SPAG16: variants seen among roughly 807,000 people sequenced by gnomAD.
SPAG16 encodes sperm-associated antigen 16 protein.
Under a neutral mutation model 80.4 loss-of-function variants are expected in SPAG16, and 86 were observed. That is an observed-to-expected ratio of 1.07 (90% CI 0.90 to 1.28). The LOEUF is 1.28. SPAG16 is among the 50% of genes most tolerant of loss of function. The probability of loss-of-function intolerance (pLI) is 0.00; values close to 1 mark genes in which losing one functional copy is unlikely to be tolerated. For missense variants in SPAG16, 870 were observed against 765.3 expected, an observed-to-expected ratio of 1.14 and a Z score of -1.61; for synonymous variants, 294 against 265.9, an observed-to-expected ratio of 1.11 and a Z score of -1.03.
chr2:214,220,489 G>C (rs1342633951), intron 15 of SPAG16, among the ~76,000 whole-genome samples: 20 of 152,182 alleles, frequency 1.3e-4, no homozygotes, highest in Non-Finnish European at 1.5e-5. Flanking sequence ...TAACCTTAAA[G>C]TTAAGTCACT....
chr2:214,300,991 C>G lies in SPAG16; in HGVS notation c.1721-109149C>G, dbSNP rs543802813. Among the ~76,000 whole-genome samples, 5 of 149,620 alleles carry G rather than the reference C, an allele frequency of 3.3e-5. No individual in the cohort carries two copies. The South Asian group carries it at 1.0e-3, about 31-fold the overall frequency. On this transcript the variant is annotated intron_variant, in intron 15 of 15. Coordinates refer to ENST00000331683, the MANE Select transcript of SPAG16 (RefSeq NM_024532.5). ...CAGGCCAGTGTGTCACTGATGAACA[C>G]AGATGCGAAAATTCTCATGTACCCT...
chr2:213,635,077 C>T (rs2062309610), intron 10 of SPAG16, among the ~76,000 whole-genome samples: 1 of 150,880 alleles, frequency 6.6e-6, no homozygotes, highest in Non-Finnish European at 1.5e-5. Context: ...GCTTTGTTGC[C>T]CAGGCTGGGG....
rs1406798759 is a variant in SPAG16, at chr2:213,847,912, G to C, written c.1071-14573G>C. On this transcript the variant is annotated intron_variant, in intron 10 of 15. Coordinates refer to ENST00000331683, the MANE Select transcript of SPAG16 (RefSeq NM_024532.5). ...ACATATAATACAAAAAGTAACTGGA[G>C]GCAGTGCCGTATGTTATAGAGGAAG... is the stretch of plus-strand genomic sequence containing the variant. Among the ~76,000 whole-genome samples the C allele has an allele frequency of 3.3e-5, 5 of 152,004 alleles. No homozygotes were observed. The East Asian group carries it at 7.7e-4, about 23-fold the overall frequency.
intron 10 of SPAG16, among the ~76,000 whole-genome samples, chr2:213,859,572 C>T (rs1052547149): frequency 1.3e-5 from 2 of 152,078 alleles, no homozygotes; most frequent in Non-Finnish European, 2.9e-5. Flanking sequence ...AGCTCTGTAA[C>T]AGGAATTATT....
intron 10 of SPAG16, among the ~76,000 whole-genome samples, chr2:213,509,340 A>G (rs59383398): frequency 0.013 from 1,914 of 152,294 alleles, 38 homozygotes; most frequent in African/African-American, 0.042. Context: ...CCTCATAAGC[A>G]TGTTTCATAA....
chr2:214,218,626 T>C (rs1394275536), intron 15 of SPAG16, among the ~76,000 whole-genome samples: 5 of 152,228 alleles, frequency 3.3e-5, no homozygotes, highest in Non-Finnish European at 7.3e-5. Context: ...CAGGTTTTAC[T>C]ATACTACATG....
At chr2:213,596,255 G>A (rs1041282632) in intron 10 of SPAG16, among the ~76,000 whole-genome samples, 1 of 152,104 alleles carries the variant, frequency 6.6e-6, no homozygotes, top group Non-Finnish European at 1.5e-5. Context: ...GCTTTTACAT[G>A]TTGATTTGAA....
intron 12 of SPAG16, among the ~76,000 whole-genome samples, chr2:213,937,655 C>G (rs1025338340): frequency 6.6e-6 from 1 of 151,760 alleles, no homozygotes; most frequent in South Asian, 2.1e-4. Context: ...TTTTATTTTC[C>G]TTTCCCCCCC....
rs57831612 is a variant in SPAG16 at position 214,154,511 on chromosome 2, A to C, written c.1720+5245A>C. Among the ~76,000 whole-genome samples, 774 of 81,444 alleles carry C rather than the reference A, an allele frequency of 9.5e-3. 7 individuals are homozygous for C. Among genetic ancestry groups the C allele is most frequent in the African/African-American group, 0.032 (717 of 22,714 alleles). 53.4% of individuals were successfully genotyped at this position (81,444 alleles called of 152,430 possible). ...AAAAAGTATCAGACCCCCCCCCCCC[A>C]TTTTTTCATAACCTAACAAGATAAC... On this transcript the variant is annotated intron_variant, in intron 15 of 15. Transcript: ENST00000331683.
chr2:214,269,632 G>A (rs535661385), intron 15 of SPAG16, among the ~76,000 whole-genome samples: 23 of 152,160 alleles, frequency 1.5e-4, no homozygotes, highest in African/African-American at 5.5e-4. Context: ...AATGCCATAA[G>A]AATTATATTG....
chr2:213,652,811 C>A (rs924010651), intron 10 of SPAG16, among the ~76,000 whole-genome samples: 1 of 152,046 alleles, frequency 6.6e-6, no homozygotes, highest in African/African-American at 2.4e-5. Flanking sequence ...CTATAGGTTG[C>A]CTTTTTATCC....
intron 15 of SPAG16, among the ~76,000 whole-genome samples, chr2:214,289,600 C>T (rs1693637124): frequency 6.6e-6 from 1 of 152,148 alleles, no homozygotes; most frequent in Non-Finnish European, 1.5e-5. Flanking sequence ...GCTCTTATAA[C>T]AAAACCATGC....
At chr2:213,884,325 A>C (rs2076470728) in intron 11 of SPAG16, among the ~76,000 whole-genome samples, 1 of 152,280 alleles carries the variant, frequency 6.6e-6, no homozygotes, top group African/African-American at 2.4e-5. Context: ...AGGATGCTAA[A>C]AATTGTCCCA....
intron 9 of SPAG16, among the ~76,000 whole-genome samples, chr2:213,386,149 A>G (rs1321123728): frequency 2.6e-5 from 4 of 152,156 alleles, no homozygotes; most frequent in Non-Finnish European, 5.9e-5. Context: ...CTTGTCTTAA[A>G]TCGTATTCTT....
chr2:213,375,073 C>A lies in SPAG16; in HGVS notation c.896C>A (p.Ala299Asp). ...EGPTQKGLRE[A>D]REQNKCKTKM... Reference sequence around the variant, plus strand: ...CCTACTCAGAAAGGTCTTCGTGAAGCCAGGGAACAAAACAAATGTAAAACA... The same window carrying A: ...CCTACTCAGAAAGGTCTTCGTGAAGACAGGGAACAAAACAAATGTAAAACA... The change falls in exon 9 of 16, where the codon GCC becomes GAC. Residue 299 changes from alanine to aspartate, a missense_variant. Coordinates refer to ENST00000331683, the MANE Select transcript of SPAG16 (RefSeq NM_024532.5). 1 of 1,609,208 alleles carries A rather than the reference C, an allele frequency of 6.2e-7. No individual in the cohort carries two copies. The highest frequency in any genetic ancestry group is 2.2e-5 in the East Asian group (1 of 44,752).
intron 15 of SPAG16, among the ~76,000 whole-genome samples, chr2:214,227,697 G>GGTGT (rs1396925045): frequency 2.7e-4 from 20 of 74,032 alleles, no homozygotes; most frequent in South Asian, 2.1e-3. Context: ...TCTTGTGGAA[G>GGTGT]GTGTATGTGT....
Position 213,860,375 on chromosome 2 carries a change from G to A in SPAG16, c.1071-2110G>A, listed in dbSNP as rs1298332682. Among the ~76,000 whole-genome samples the A allele has an allele frequency of 4.1e-5, 5 of 122,154 alleles. 1 individual carries two copies. The highest frequency in any genetic ancestry group is 1.1e-4 in the African/African-American group (4 of 36,734). The allele number at this position is 122,154 out of a possible 152,430, so 80.1% of individuals were successfully genotyped here. ...TATATATATATATATGTGTGTGTGT[G>A]TATATCTATAAATAGACAGATATTT... On this transcript the variant is annotated intron_variant, in intron 10 of 15. Coordinates refer to ENST00000331683, the MANE Select transcript of SPAG16 (RefSeq NM_024532.5).
At chr2:213,528,040 A>G (rs1265179067) in intron 10 of SPAG16, among the ~76,000 whole-genome samples, 2 of 152,220 alleles carry the variant, frequency 1.3e-5, no homozygotes, top group Non-Finnish European at 2.9e-5. Context: ...TGATGTAAAT[A>G]TCAAACAAGG....
rs1225604725 is a variant in SPAG16 at position 214,283,706 on chromosome 2, T to A, written c.1721-126434T>A. Among the ~76,000 whole-genome samples, 4 of 152,296 alleles carry A rather than the reference T, an allele frequency of 2.6e-5. No individual in the cohort carries two copies. In the East Asian group the frequency reaches 5.8e-4, roughly 22 times the overall value. On this transcript the variant is annotated intron_variant, in intron 15 of 15. Coordinates refer to ENST00000331683, the MANE Select transcript of SPAG16 (RefSeq NM_024532.5). ...TGCTTTCTGCTGATATTGGCAGAAT[T>A]TTTGCTTGCTGCTCTAATAGTTTTC...
Sources: gnomAD v4.1 joint callset for allele counts (sites outside exome capture counted in the v4.1 genomes callset) on GRCh38, gnomAD v4.1.1 for gene constraint, MANE v1.5 for transcripts, NCBI Gene and HGNC (gene_info 2026-07-23, HGNC 2026-07-21) for gene names.